Variants in CCL5 observed in about 807,000 individuals in gnomAD.
CCL5 encodes the protein C-C motif chemokine 5.
CCL5 carries 5 observed loss-of-function variants against 9.0 expected under a neutral mutation model. The ratio of observed to expected loss-of-function variants is 0.55; its 90% CI spans 0.29 to 1.16. CCL5 has a LOEUF of 1.16. CCL5 is among the 50% of genes most tolerant of loss of function. The probability of loss-of-function intolerance (pLI) is 0.08; values close to 1 mark genes in which losing one functional copy is unlikely to be tolerated. For missense variants in CCL5, 183 were observed against 183.2 expected (o/e 1.00, Z 0.01); for synonymous variants, 66 against 72.0 (o/e 0.92, Z 0.42).
At position 35,879,487 on chromosome 17, in the gene CCL5, T is replaced by A. The variant is rs371378261; in HGVS notation, c.76+743A>T. ...GTCTCTACTAAAAAATACAAAACAT[T>A]AGCAGGGTGTGGTGGCGGGTGCCTG... is the stretch of plus-strand genomic sequence containing the variant. On this transcript the variant is annotated intron_variant, in intron 1 of 3. Transcript: ENST00000651122. Among the ~76,000 whole-genome samples, 19 of 151,788 alleles carry A rather than the reference T, an allele frequency of 1.3e-4. 1 individual carries two copies. Among genetic ancestry groups the A allele is most frequent in the African/African-American group, 4.4e-4 (18 of 41,304 alleles).
At position 35,877,460 on chromosome 17, in the gene CCL5, A is replaced by G. The variant is rs570249202; in HGVS notation, c.188+1068T>C. 3.3e-5 allele frequency among the ~76,000 whole-genome samples: 5 copies of G among 152,366 alleles called. No homozygotes were observed. The East Asian group carries it at 9.6e-4, about 29-fold the overall frequency. On this transcript the variant is annotated intron_variant, in intron 2 of 3. Transcript: ENST00000651122. Reference sequence around the variant, plus strand: ...CATTTTCATTTTTTAAGTCTCTACCATAAATTTCTTAAGCAATTGTCACTA... The same window carrying G: ...CATTTTCATTTTTTAAGTCTCTACCGTAAATTTCTTAAGCAATTGTCACTA...
At chr17:35,878,702 G>A (rs1030087589) in intron 1 of CCL5, 63 bp from the exon 2 acceptor site, 13 of 912,930 alleles carry the variant, frequency 1.4e-5, no homozygotes, top group South Asian at 1.1e-4. Context: ...TTGACATTGT[G>A]CTGGACACTT....
intron 1 of CCL5, 29 bp from the exon 2 acceptor site, chr17:35,878,668 C>CTT (rs763096760): frequency 5.1e-6 from 7 of 1,383,830 alleles, no homozygotes; most frequent in Non-Finnish European, 7.2e-6. Flanking sequence ...GAGGGAGACC[C>CTT]TTTTATTCAT....
At chr17:35,879,793 T>C (rs1444946916) in intron 1 of CCL5, among the ~76,000 whole-genome samples, 1 of 152,184 alleles carries the variant, frequency 6.6e-6, no homozygotes, top group African/African-American at 2.4e-5. Context: ...TAAGCCAATT[T>C]TTTTTACATT....
At chr17:35,878,455 G>A in intron 2 of CCL5, 73 bp downstream of exon 2, 1 of 981,708 alleles carries the variant, frequency 1.0e-6, no homozygotes, top group Admixed American at 1.8e-5. Context: ...ATAGGTGGAA[G>A]TGGGTAGGGC....
In CCL5 at chr17:35,872,058, A is replaced by C. The variant is rs1437365502; in HGVS notation, c.*212T>G. 1 of 178,668 alleles carries C rather than the reference A, an allele frequency of 5.6e-6. No individual in the cohort carries two copies. The highest frequency in any genetic ancestry group is 1.2e-5 in the Non-Finnish European group (1 of 84,214). The allele number at this position is 178,668 out of a possible 1,614,324, so 11.1% of individuals were successfully genotyped here. A position where few individuals can be genotyped will look rare whatever the true frequency, so the allele number is the denominator to read the frequency against. On this transcript the variant is annotated 3_prime_UTR_variant, in exon 4 of 4. Coordinates refer to ENST00000651122, the MANE Select transcript of CCL5 (RefSeq NM_001278736.2). ...TGCCTCAGCCTCCCGAGTAGCTGGG[A>C]CTACAGGCGCCCGCTACCACGCCCG...
Position 35,872,442 on chromosome 17 carries a change from G to A in CCL5, c.293C>T (p.Pro98Leu), listed in dbSNP as rs373485196. The change falls in exon 4 of 4, where the codon CCA becomes CTA. Residue 98 changes from proline (P) to leucine (L), a missense_variant. Coordinates refer to ENST00000651122, the MANE Select transcript of CCL5 (RefSeq NM_001278736.2). ...TTCTTCTCTGGGTTGGCACACACTT[G>A]GCGGTTCTTTCGGGTGACAAAGCTG... 6.4e-5 allele frequency: 104 copies of A among 1,613,904 alleles called. No homozygotes were observed. Among genetic ancestry groups the A allele is most frequent in the Non-Finnish European group, 8.2e-5 (97 of 1,180,002 alleles).
chr17:35,876,257 G>C (rs555191454), intron 2 of CCL5, among the ~76,000 whole-genome samples: 4 of 152,252 alleles, frequency 2.6e-5, no homozygotes, highest in African/African-American at 7.2e-5. Context: ...AGGCTGCATT[G>C]CCTTTTTAAA....
intron 3 of CCL5, among the ~76,000 whole-genome samples, chr17:35,873,934 T>C (rs530651239): frequency 6.6e-6 from 1 of 152,274 alleles, no homozygotes; most frequent in East Asian, 1.9e-4. Context: ...TGGAGGCCTA[T>C]GAGAATCAGA....
chr17:35,879,517 C>T (rs2088486291), intron 1 of CCL5, among the ~76,000 whole-genome samples: 1 of 151,882 alleles, frequency 6.6e-6, no homozygotes, highest in Non-Finnish European at 1.5e-5. Context: ...TGCCTGTAGT[C>T]CCCGCTACTC....
intron 2 of CCL5, among the ~76,000 whole-genome samples, chr17:35,877,412 T>C (rs967914826): frequency 2.0e-4 from 31 of 152,198 alleles, no homozygotes; most frequent in Non-Finnish European, 4.0e-4. Context: ...TTCACTCTTA[T>C]ATAAGAAACT....
chr17:35,878,908 G>A (rs557938710), intron 1 of CCL5, among the ~76,000 whole-genome samples: 1 of 152,216 alleles, frequency 6.6e-6, no homozygotes, highest in East Asian at 1.9e-4. Flanking sequence ...CTCCTGGCTT[G>A]TCCTGGGTCC....
Position 35,872,207 on chromosome 17 carries a change from G to A in CCL5, c.*63C>T, listed in dbSNP as rs2088376882. ...CAAAGTGCTGGGATTACAGGCGTGA[G>A]CCACCACGTCCAGCCTGGGGAAGGT... On this transcript the variant is annotated 3_prime_UTR_variant, in exon 4 of 4. Transcript: ENST00000651122. 1 of 1,254,160 alleles carries A rather than the reference G, an allele frequency of 8.0e-7. No individual in the cohort carries two copies. Among genetic ancestry groups the A allele is most frequent in the Non-Finnish European group, 1.1e-6 (1 of 942,820 alleles). 77.7% of individuals were successfully genotyped at this position (1,254,160 alleles called of 1,614,324 possible). A position where few individuals can be genotyped will look rare whatever the true frequency, so the allele number is the denominator to read the frequency against.
intron 2 of CCL5, among the ~76,000 whole-genome samples, chr17:35,878,314 T>C (rs1277297333): frequency 2.2e-5 from 3 of 138,642 alleles, no homozygotes; most frequent in Non-Finnish European, 4.6e-5. Context: ...AAAAAAAAGA[T>C]TGGAGTCCTG....
rs1446748041 is a variant in CCL5, at chr17:35,880,344, T to C, written c.-39A>G. ...GAGGCTGTGCGAGGTCCACGTGCTG[T>C]CTTGATCCTCTGCAGGAATCCTCTG... On this transcript the variant is annotated 5_prime_UTR_variant, in exon 1 of 4. Coordinates refer to ENST00000651122, the MANE Select transcript of CCL5 (RefSeq NM_001278736.2). 3 of 1,530,722 alleles carry C rather than the reference T, an allele frequency of 2.0e-6. No individual in the cohort carries two copies. The highest frequency in any genetic ancestry group is 2.7e-6 in the Non-Finnish European group (3 of 1,115,334). The allele number at this position is 1,530,722 out of a possible 1,614,324, so 94.8% of individuals were successfully genotyped here.
chr17:35,875,093 T>C (rs1598623909), intron 3 of CCL5, among the ~76,000 whole-genome samples: 1 of 152,200 alleles, frequency 6.6e-6, no homozygotes, highest in African/African-American at 2.4e-5. Flanking sequence ...AAATATGTTC[T>C]GATGTGCTAT....
chr17:35,874,059 C>A lies in CCL5; in HGVS notation c.270+1502G>T, dbSNP rs1250957405. Among the ~76,000 whole-genome samples the A allele has an allele frequency of 3.3e-5, 5 of 152,278 alleles. No homozygotes were observed. In the East Asian group the frequency reaches 7.7e-4, roughly 23 times the overall value. ...TGCTGGGAAACTGATTCTACCTGTG[C>A]GAGACCTTGGGCCTTGCTAGCAGCG... is the stretch of plus-strand genomic sequence containing the variant. On this transcript the variant is annotated intron_variant, in intron 3 of 3. Transcript: ENST00000651122.
intron 2 of CCL5, among the ~76,000 whole-genome samples, chr17:35,877,378 C>CAAAACA (rs1002754843): frequency 2.0e-5 from 3 of 152,070 alleles, no homozygotes; most frequent in Non-Finnish European, 2.9e-5. Flanking sequence ...GACTCTGTCT[C>CAAAACA]AAAACAAAAA....
At position 35,872,332 on chromosome 17, in the gene CCL5, G is replaced by A. The variant is rs1214122174; in HGVS notation, c.403C>T (p.Leu135=). The A allele has an allele frequency of 6.2e-7, 1 of 1,610,568 alleles. No homozygotes were observed. The highest frequency in any genetic ancestry group is 1.1e-5 in the South Asian group (1 of 90,842). ...TCCCAAGCTAGGACAAGAGCAAGCAGAAACAGGCAAATTTGTGTAAGTTCA... is the reference window on the plus strand; with the variant it reads ...TCCCAAGCTAGGACAAGAGCAAGCAAAAACAGGCAAATTTGTGTAAGTTCA... The change falls in exon 4 of 4, where the codon CTG becomes TTG. Residue 135 remains leucine (L), a synonymous_variant. Transcript: ENST00000651122.
Sources: gnomAD v4.1 joint callset for allele counts (sites outside exome capture counted in the v4.1 genomes callset) on GRCh38, gnomAD v4.1.1 for gene constraint, MANE v1.5 for transcripts, NCBI Gene and HGNC (gene_info 2026-07-23, HGNC 2026-07-21) for gene names.